Variants in NR2F1-AS1 observed in about 807,000 individuals in gnomAD.
NR2F1-AS1 encodes the protein NR2F1 regulatory antisense RNA 1.
chr5:93,449,580 TATG>T (rs1417001996), intron 4 of NR2F1-AS1, among the ~76,000 whole-genome samples: 4 of 152,362 alleles, frequency 2.6e-5, no homozygotes, highest in South Asian at 2.1e-4. Context: ...AACAAAGTAT[TATG>T]ATTATAGAAA....
intron 4 of NR2F1-AS1, among the ~76,000 whole-genome samples, chr5:93,435,960 C>A (rs905913498): frequency 5.9e-5 from 9 of 152,192 alleles, no homozygotes; most frequent in Admixed American, 4.6e-4. Context: ...ACCCACCCTA[C>A]TGCTTCTGTC....
At chr5:93,418,461 C>T (rs1749015031) in intron 4 of NR2F1-AS1, among the ~76,000 whole-genome samples, 1 of 152,042 alleles carries the variant, frequency 6.6e-6, no homozygotes. Flanking sequence ...GTGGCATGCG[C>T]CTGTAGTCTC....
At chr5:93,481,037 C>T (rs866041776) in intron 4 of NR2F1-AS1, among the ~76,000 whole-genome samples, 5 of 151,550 alleles carry the variant, frequency 3.3e-5, no homozygotes, top group South Asian at 2.1e-4. Context: ...GCACTATAAG[C>T]GTAAATGAAT....
intron 4 of NR2F1-AS1, among the ~76,000 whole-genome samples, chr5:93,491,503 G>A (rs920889260): frequency 6.6e-6 from 1 of 151,974 alleles, no homozygotes; most frequent in African/African-American, 2.4e-5. Context: ...ACCTTTACTG[G>A]GCTAAGGGAT....
intron 4 of NR2F1-AS1, among the ~76,000 whole-genome samples, chr5:93,414,284 T>C (rs981028056): frequency 6.6e-6 from 1 of 152,166 alleles, no homozygotes; most frequent in African/African-American, 2.4e-5. Flanking sequence ...ACACTGCCCC[T>C]AATACCCACT....
At chr5:93,457,301 C>T (rs1215913760) in intron 4 of NR2F1-AS1, among the ~76,000 whole-genome samples, 3 of 152,120 alleles carry the variant, frequency 2.0e-5, no homozygotes, top group Non-Finnish European at 4.4e-5. Flanking sequence ...TTTGTGTCCC[C>T]GGGTACTTGA....
At chr5:93,581,668 GTCTCTCTCTCTCTCTCTCTCTCTCTCTC>G (rs1232503527), upstream of NR2F1-AS1, among the ~76,000 whole-genome samples, 1 of 32,104 alleles carries the variant, frequency 3.1e-5, no homozygotes, top group Non-Finnish European at 6.8e-5. Flanking sequence ...CGGGGTCTCG[GTCTCTCTCTCTCTCTCTCTCTCTCTCTC>G]TCTCTCTCTC....
At chr5:93,534,064 G>A (rs549709682) in intron 4 of NR2F1-AS1, among the ~76,000 whole-genome samples, 1 of 152,222 alleles carries the variant, frequency 6.6e-6, no homozygotes, top group East Asian at 1.9e-4. Context: ...CCTGGGGAAC[G>A]AGCGAGTGTC....
chr5:93,427,369 T>A (rs528632094), intron 4 of NR2F1-AS1, among the ~76,000 whole-genome samples: 1 of 152,286 alleles, frequency 6.6e-6, no homozygotes, highest in South Asian at 2.1e-4. Context: ...CTATGAGAAG[T>A]CCCTACAGTT....
chr5:93,552,248 C>T (rs1202151531), intron 4 of NR2F1-AS1, among the ~76,000 whole-genome samples: 2 of 152,070 alleles, frequency 1.3e-5, no homozygotes, highest in East Asian at 1.9e-4. Flanking sequence ...TGACAGAGGT[C>T]AGTAGAGGAC....
intron 4 of NR2F1-AS1, among the ~76,000 whole-genome samples, chr5:93,501,356 A>T (rs200004226): frequency 1.0e-4 from 14 of 137,224 alleles, no homozygotes; most frequent in Non-Finnish European, 1.5e-4. Context: ...GTTTGGGGGA[A>T]TTTTTTTTTT....
chr5:93,574,149 C>A (rs967690316), intron 1 of NR2F1-AS1, among the ~76,000 whole-genome samples: 1 of 152,142 alleles, frequency 6.6e-6, no homozygotes, highest in African/African-American at 2.4e-5. Context: ...AAGCCTTTGC[C>A]ACGAAGGGAC....
Position 93,459,890 on chromosome 5 carries a change from A to G in NR2F1-AS1, n.639-64348T>C, listed in dbSNP as rs542798652. ...GTGGGAACTGGAGTAAGGAAACCCT[A>G]CAAGGAGCCACTATGAAGCTCCAGC... On this transcript the variant is annotated intron_variant and non_coding_transcript_variant, in intron 4 of 5. Coordinates refer to ENST00000660523, the Ensembl canonical transcript of NR2F1-AS1. Among the ~76,000 whole-genome samples the G allele has an allele frequency of 2.6e-5, 4 of 152,298 alleles. No homozygotes were observed. The East Asian group carries it at 7.7e-4, about 29-fold the overall frequency.
At chr5:93,424,443 TC>T (rs1401617399) in intron 4 of NR2F1-AS1, among the ~76,000 whole-genome samples, 2 of 152,066 alleles carry the variant, frequency 1.3e-5, no homozygotes, top group African/African-American at 4.8e-5. Flanking sequence ...TTATACTCCT[TC>T]TTCTCCTTCA....
At chr5:93,485,782 C>T (rs200890858) in intron 4 of NR2F1-AS1, among the ~76,000 whole-genome samples, 5,403 of 151,206 alleles carry the variant, frequency 0.036, 245 homozygotes, top group East Asian at 0.2. Context: ...CAAAGGACTA[C>T]AAATCATGCT....
At chr5:93,539,016 T>C (rs2149904391) in intron 4 of NR2F1-AS1, among the ~76,000 whole-genome samples, 1 of 152,316 alleles carries the variant, frequency 6.6e-6, no homozygotes, top group Non-Finnish European at 1.5e-5. Context: ...TAGTGGTTCA[T>C]GCCTGTAATA....
At chr5:93,445,504 T>G (rs1046837352) in intron 4 of NR2F1-AS1, among the ~76,000 whole-genome samples, 1 of 152,034 alleles carries the variant, frequency 6.6e-6, no homozygotes, top group African/African-American at 2.4e-5. Context: ...CAGGAAGAAG[T>G]TGAATCCCTG....
At chr5:93,447,314 G>A (rs1749734409) in intron 4 of NR2F1-AS1, among the ~76,000 whole-genome samples, 1 of 151,938 alleles carries the variant, frequency 6.6e-6, no homozygotes, top group South Asian at 2.1e-4. Context: ...TCTGACAAAG[G>A]GCTAATATCC....
At chr5:93,440,177 C>T (rs571270194) in intron 4 of NR2F1-AS1, among the ~76,000 whole-genome samples, 1 of 151,926 alleles carries the variant, frequency 6.6e-6, no homozygotes, top group East Asian at 1.9e-4. Context: ...CTTTCTCTCG[C>T]TCGCTCTCTC....
Sources: allele counts gnomAD v4.1 joint callset (sites outside exome capture counted in the v4.1 genomes callset), GRCh38; gene constraint gnomAD v4.1.1; transcripts MANE v1.5; gene names NCBI Gene and HGNC (gene_info 2026-07-23, HGNC 2026-07-21).